L3MBTL4: variants seen among roughly 807,000 people sequenced by gnomAD.
L3MBTL4 encodes lethal(3)malignant brain tumor-like protein 4.
L3MBTL4 carries 70 observed loss-of-function variants against 84.5 expected under a neutral mutation model. That is an observed-to-expected ratio of 0.83 (90% CI 0.68 to 1.01). The LOEUF (loss-of-function observed/expected upper bound fraction) is 1.01, where lower values mean the gene tolerates loss of function less well. L3MBTL4 is among the 50% of genes least tolerant of loss of function. L3MBTL4 has a pLI of 0.00. For synonymous variants in L3MBTL4, 274 were observed against 259.8 expected (o/e 1.05, Z -0.52); for missense variants, 715 against 754.8 (o/e 0.95, Z 0.62).
At chr18:6,129,029 G>T (rs1000043909) in intron 14 of L3MBTL4, among the ~76,000 whole-genome samples, 1 of 152,098 alleles carries the variant, frequency 6.6e-6, no homozygotes, top group Non-Finnish European at 1.5e-5. Flanking sequence ...CAAGCAGGAG[G>T]ATGGCTGAGG....
chr18:6,122,793 A>C (rs2059572005), intron 14 of L3MBTL4, among the ~76,000 whole-genome samples: 1 of 152,248 alleles, frequency 6.6e-6, no homozygotes, highest in Non-Finnish European at 1.5e-5. Flanking sequence ...TTTATCCAAA[A>C]ATTTAAGAAA....
At chr18:6,340,547 T>C (rs2052557228) in intron 1 of L3MBTL4, among the ~76,000 whole-genome samples, 1 of 152,076 alleles carries the variant, frequency 6.6e-6, no homozygotes, top group African/African-American at 2.4e-5. Context: ...ATGAGTACAA[T>C]AGCATCATCT....
chr18:6,127,449 G>C (rs901318782), intron 14 of L3MBTL4, among the ~76,000 whole-genome samples: 1 of 152,134 alleles, frequency 6.6e-6, no homozygotes, highest in Non-Finnish European at 1.5e-5. Flanking sequence ...AGAACAACTA[G>C]AGAGAATACG....
rs36091567 is a variant in L3MBTL4 at position 6,099,585 on chromosome 18, A to AATATAT, written c.1200-6063_1200-6058dup. On this transcript the variant is annotated intron_variant, in intron 14 of 18. Transcript: ENST00000317931. Reference sequence around the variant, plus strand: ...TATCTATAGATAGATAGATAATGTAAATATATATATATATATATATATGGA... The same window carrying AATATAT: ...TATCTATAGATAGATAGATAATGTAAATATATATATATATATATATATATATATGGA... Among the ~76,000 whole-genome samples the AATATAT allele has an allele frequency of 3.4e-3, 220 of 64,732 alleles. 55 individuals are homozygous for AATATAT. The highest frequency in any genetic ancestry group is 0.032 in the Middle Eastern group (4 of 124). The allele number at this position is 64,732 out of a possible 152,430, so 42.5% of individuals were successfully genotyped here.
In L3MBTL4 at chr18:6,354,960, A is replaced by G. The variant is rs186108224; in HGVS notation, c.-90-42904T>C. On this transcript the variant is annotated intron_variant, in intron 1 of 18. Transcript: ENST00000317931. ...TATACCCAAAAGAAAGGAAATGAGC[A>G]TATCAAAGAGATTTTTGCACTCCCA... Among the ~76,000 whole-genome samples, 255 of 152,330 alleles carry G rather than the reference A, an allele frequency of 1.7e-3. 1 individual carries two copies. Among genetic ancestry groups the G allele is most frequent in the Non-Finnish European group, 1.9e-3 (127 of 68,022 alleles).
chr18:6,345,957 G>C (rs11661474), intron 1 of L3MBTL4, among the ~76,000 whole-genome samples: 29,708 of 151,612 alleles, frequency 0.2, 3,672 homozygotes, highest in African/African-American at 0.35. Context: ...AAGTATGGTA[G>C]TAGCATAAAA....
intron 10 of L3MBTL4, among the ~76,000 whole-genome samples, chr18:6,230,063 G>A (rs891317994): frequency 6.6e-6 from 1 of 152,016 alleles, no homozygotes; most frequent in African/African-American, 2.4e-5. Flanking sequence ...TATCGCTTAG[G>A]GTAGGTTGAC....
chr18:6,269,312 C>T (rs548083462), intron 4 of L3MBTL4, among the ~76,000 whole-genome samples: 1 of 151,822 alleles, frequency 6.6e-6, no homozygotes, highest in African/African-American at 2.4e-5. Context: ...AAAAAATTAG[C>T]CAGGAATGGT....
At chr18:6,331,187 C>A (rs2052013722) in intron 1 of L3MBTL4, among the ~76,000 whole-genome samples, 1 of 135,964 alleles carries the variant, frequency 7.4e-6, no homozygotes. Context: ...AAGCTAAATG[C>A]ATGGTTTGAG....
chr18:6,316,440 C>A (rs919449016), intron 1 of L3MBTL4, among the ~76,000 whole-genome samples: 1 of 152,172 alleles, frequency 6.6e-6, no homozygotes, highest in African/African-American at 2.4e-5. Context: ...TTTCTTTCAG[C>A]AGAGGCATTA....
At chr18:6,030,360 C>T in intron 16 of L3MBTL4, 2 of 985,302 alleles carry the variant, frequency 2.0e-6, no homozygotes, top group Non-Finnish European at 2.4e-6. Flanking sequence ...AGCAAAAATC[C>T]TAGTCTGGGA....
chr18:5,975,716 A>G (rs1177347026), intron 16 of L3MBTL4, among the ~76,000 whole-genome samples: 1 of 152,206 alleles, frequency 6.6e-6, no homozygotes, highest in Non-Finnish European at 1.5e-5. Flanking sequence ...GCAGAACAAG[A>G]GAGGCTTCAC....
chr18:6,171,810 A>G lies in L3MBTL4; in HGVS notation c.1096+18T>C, dbSNP rs1290873998. ...GGCCAAGTATTTAAAAAGCAACAAC[A>G]AAGAGCAAAGTACTCACGCTGTGGC... On this transcript the variant is annotated intron_variant, in intron 13 of 18. Transcript: ENST00000317931. The G allele has an allele frequency of 1.4e-6, 2 of 1,425,506 alleles. No individual in the cohort carries two copies. The highest frequency in any genetic ancestry group is 1.9e-6 in the Non-Finnish European group (2 of 1,042,684). The allele number at this position is 1,425,506 out of a possible 1,614,324, so 88.3% of individuals were successfully genotyped here.
chr18:6,364,572 A>ATTTCT (rs1264852340), intron 1 of L3MBTL4, among the ~76,000 whole-genome samples: 1 of 152,114 alleles, frequency 6.6e-6, no homozygotes, highest in Non-Finnish European at 1.5e-5. Context: ...CACTGGTAAC[A>ATTTCT]TTTCTTTTTA....
chr18:6,020,365 G>A (rs1401682275), intron 16 of L3MBTL4, among the ~76,000 whole-genome samples: 1 of 152,106 alleles, frequency 6.6e-6, no homozygotes, highest in Non-Finnish European at 1.5e-5. Flanking sequence ...GGCAAGAGGT[G>A]AGAGGGCAGG....
At chr18:6,075,122 C>T (rs1261916168) in intron 16 of L3MBTL4, among the ~76,000 whole-genome samples, 1 of 152,052 alleles carries the variant, frequency 6.6e-6, no homozygotes, top group Non-Finnish European at 1.5e-5. Flanking sequence ...TAAAACTATA[C>T]ATTCAATGCA....
At chr18:6,087,750 T>G (rs2058305445) in intron 15 of L3MBTL4, among the ~76,000 whole-genome samples, 1 of 152,188 alleles carries the variant, frequency 6.6e-6, no homozygotes, top group African/African-American at 2.4e-5. Flanking sequence ...CTGCAAGACT[T>G]TAAAATCAAT....
chr18:6,170,580 A>C (rs2043920407), intron 13 of L3MBTL4, among the ~76,000 whole-genome samples: 1 of 152,162 alleles, frequency 6.6e-6, no homozygotes, highest in South Asian at 2.1e-4. Flanking sequence ...TTCAGGTAGA[A>C]AAGCCAGGTG....
chr18:5,998,751 T>C (rs1250377354), intron 16 of L3MBTL4, among the ~76,000 whole-genome samples: 1 of 152,118 alleles, frequency 6.6e-6, no homozygotes, highest in East Asian at 1.9e-4. Context: ...TTTGCTGTTT[T>C]CCAGGATCCC....
Sources: gnomAD v4.1 joint callset for allele counts (sites outside exome capture counted in the v4.1 genomes callset) on GRCh38, gnomAD v4.1.1 for gene constraint, MANE v1.5 for transcripts, NCBI Gene and HGNC (gene_info 2026-07-23, HGNC 2026-07-21) for gene names.